The following ZNF875 variants were observed in gnomAD, a reference collection of about 807,000 sequenced individuals.
ZNF875 encodes the protein HKR1, GLI-Kruppel zinc finger family member.
ZNF875 carries 14 observed loss-of-function variants against 11.2 expected under a neutral mutation model. The ratio of observed to expected loss-of-function variants is 1.26; its 90% CI spans 0.83 to 1.96. ZNF875 has a LOEUF of 1.96. Among genes scored for constraint, ZNF875 ranks in the 30% most tolerant of loss-of-function variants. The probability of loss-of-function intolerance (pLI) is 0.00; values close to 1 mark genes in which losing one functional copy is unlikely to be tolerated. For missense variants in ZNF875, 752 were observed against 760.4 expected (o/e 0.99, Z 0.13); for synonymous variants, 301 against 281.1 (o/e 1.07, Z -0.71).
In ZNF875 at chr19:37,335,199, G is replaced by A; in HGVS notation, c.-26G>A. On this transcript the variant is annotated 5_prime_UTR_variant, in exon 2 of 5. Coordinates refer to ENST00000392153, the MANE Select transcript of ZNF875 (RefSeq NM_001353803.2). The stretch of plus-strand genomic sequence containing the variant: ...TCTTCTGAGACTTTGCCCTTCTCCA[G>A]GAAGAGCACTCAGGAGACCAGGAAA... The A allele has an allele frequency of 2.8e-6, 2 of 702,416 alleles. No individual in the cohort carries two copies. Among genetic ancestry groups the A allele is most frequent in the Non-Finnish European group, 5.2e-6 (2 of 384,608 alleles). 43.5% of individuals were successfully genotyped at this position (702,416 alleles called of 1,614,324 possible).
At chr19:37,335,128 G>C (rs1157106209) in intron 1 of ZNF875, 41 bp from the exon 2 acceptor site, 1 of 682,718 alleles carries the variant, frequency 1.5e-6, no homozygotes, top group Non-Finnish European at 2.7e-6. Context: ...TGGGGAGGGT[G>C]TTTCCACCTA....
upstream of ZNF875, among the ~76,000 whole-genome samples, chr19:37,316,200 C>A (rs2030178688): frequency 6.6e-6 from 1 of 152,186 alleles, no homozygotes. Context: ...AATTAAATTA[C>A]AGAAAAGCAA....
chr19:37,331,808 C>G (rs1303854439), upstream of ZNF875, among the ~76,000 whole-genome samples: 2 of 115,596 alleles, frequency 1.7e-5, 1 homozygote, highest in Admixed American at 1.8e-4. Context: ...CCCGACACCC[C>G]CAGCCCGACA....
At chr19:37,335,305 C>A in intron 2 of ZNF875, 48 bp downstream of exon 2, 1 of 673,826 alleles carries the variant, frequency 1.5e-6, no homozygotes, top group South Asian at 1.5e-5. Context: ...GAATGGGTCC[C>A]ATTACCTTTT....
intron 1 of ZNF875, among the ~76,000 whole-genome samples, chr19:37,321,763 C>T (rs1407234251): frequency 6.6e-6 from 1 of 152,150 alleles, no homozygotes; most frequent in African/African-American, 2.4e-5. Flanking sequence ...TATGAGGTAG[C>T]ACAGCAAATC....
intron 2 of ZNF875, among the ~76,000 whole-genome samples, chr19:37,341,293 A>C (rs370616611): frequency 6.6e-6 from 1 of 152,214 alleles, no homozygotes; most frequent in East Asian, 1.9e-4. Context: ...TGGTAGGTTC[A>C]TATTTTGGGC....
chr19:37,323,016 C>G (rs1243569793), intron 2 of ZNF875, among the ~76,000 whole-genome samples: 1 of 151,908 alleles, frequency 6.6e-6, no homozygotes. Flanking sequence ...GAAACCCCGC[C>G]CTGAGTTTGT....
intron 4 of ZNF875, among the ~76,000 whole-genome samples, chr19:37,353,562 C>T (rs2038331640): frequency 6.6e-6 from 1 of 152,148 alleles, no homozygotes; most frequent in Admixed American, 6.5e-5. Context: ...TACCATTTTC[C>T]TTCATCCTGA....
At position 37,347,307 on chromosome 19, in the gene ZNF875, G is replaced by T; in HGVS notation, c.151G>T (p.Val51Phe). ...GATGCTGGAGACTTATAACCATCTG[G>T]TCTCACTGGGTAAGAATGGCCTCCC... Reference protein sequence around the residue: ...EVMLETYNHLVSLEIPSSKPK... With the variant: ...EVMLETYNHLFSLEIPSSKPK... The change falls in exon 3 of 5, where the codon GTC becomes TTC. Residue 51 changes from valine to phenylalanine, a missense_variant. Physicochemically the swap from Val to Phe is conservative, Grantham distance 50 (BLOSUM62 -1). Coordinates refer to ENST00000392153, the MANE Select transcript of ZNF875 (RefSeq NM_001353803.2). 1.2e-6 allele frequency: 2 copies of T among 1,613,114 alleles called. No individual in the cohort carries two copies. Among genetic ancestry groups the T allele is most frequent in the Admixed American group, 1.7e-5 (1 of 59,938 alleles).
intron 1 of ZNF875, among the ~76,000 whole-genome samples, chr19:37,321,980 C>T (rs2031563824): frequency 6.6e-6 from 1 of 152,184 alleles, no homozygotes; most frequent in South Asian, 2.1e-4. Context: ...TGGCATTATT[C>T]TGAGGAGGGG....
intron 4 of ZNF875, among the ~76,000 whole-genome samples, chr19:37,355,294 A>T (rs528150124): frequency 1.3e-5 from 2 of 152,248 alleles, no homozygotes; most frequent in South Asian, 4.1e-4. Flanking sequence ...GGTTCAAGCG[A>T]TTCTCCTGCC....
intron 4 of ZNF875, among the ~76,000 whole-genome samples, chr19:37,360,804 C>T (rs1387425811): frequency 6.6e-6 from 1 of 152,050 alleles, no homozygotes; most frequent in African/African-American, 2.4e-5. Flanking sequence ...CCTTAATTTT[C>T]AGTTTACAAA....
At chr19:37,329,037 C>T (rs1358224103) in intron 4 of ZNF875, 1 of 152,036 alleles carries the variant, frequency 6.6e-6, no homozygotes, top group African/African-American at 2.4e-5. Context: ...GAGTGAGACC[C>T]AACAATCTGT....
chr19:37,355,382 G>A (rs779992200), intron 4 of ZNF875, among the ~76,000 whole-genome samples: 1 of 152,080 alleles, frequency 6.6e-6, no homozygotes, highest in Non-Finnish European at 1.5e-5. Flanking sequence ...TAGAGACAGG[G>A]TTTCACCATG....
chr19:37,336,485 G>C (rs1336575794), intron 2 of ZNF875, among the ~76,000 whole-genome samples: 2 of 150,412 alleles, frequency 1.3e-5, no homozygotes, highest in African/African-American at 4.9e-5. Context: ...ATTTTTAGTA[G>C]AGACGGGGTT....
At chr19:37,332,409 G>A (rs1036418570), upstream of ZNF875, among the ~76,000 whole-genome samples, 3 of 152,056 alleles carry the variant, frequency 2.0e-5, no homozygotes, top group Non-Finnish European at 1.5e-5. Context: ...TAGAGATGGG[G>A]TTTCGCAATG....
intron 1 of ZNF875, among the ~76,000 whole-genome samples, chr19:37,321,578 T>A (rs1374606162): frequency 6.6e-6 from 1 of 152,136 alleles, no homozygotes; most frequent in Admixed American, 6.5e-5. Flanking sequence ...CTGGGCCCAC[T>A]TTTCTTTCTC....
chr19:37,334,716 T>C lies in ZNF875; in HGVS notation c.-123T>C, dbSNP rs979464793. On this transcript the variant is annotated 5_prime_UTR_variant, in exon 1 of 5. Transcript: ENST00000392153. ...CGGGAAGGCCTCCCTCTTAAGGTCT[T>C]TCCCACACCTCTGCACCTTGTTACC... 6 of 455,972 alleles carry C rather than the reference T, an allele frequency of 1.3e-5. No homozygotes were observed. The highest frequency in any genetic ancestry group is 2.6e-5 in the Non-Finnish European group (6 of 226,832). 28.2% of individuals were successfully genotyped at this position (455,972 alleles called of 1,614,324 possible).
chr19:37,347,187 A>G lies in ZNF875; in HGVS notation c.34-3A>G. ...GTGAGCAGAGGTGTGTTTTGTGTTA[A>G]AGGCGTTCGTGGCATTCAGGGATGT... On this transcript the variant is annotated splice_polypyrimidine_tract_variant and splice_region_variant and intron_variant, in intron 2 of 4. Transcript: ENST00000392153. 1 of 1,613,934 alleles carries G rather than the reference A, an allele frequency of 6.2e-7. No individual in the cohort carries two copies. The highest frequency in any genetic ancestry group is 8.5e-7 in the Non-Finnish European group (1 of 1,179,918).
Sources: gnomAD v4.1 joint callset for allele counts (sites outside exome capture counted in the v4.1 genomes callset) on GRCh38, gnomAD v4.1.1 for gene constraint, MANE v1.5 for transcripts, NCBI Gene and HGNC (gene_info 2026-07-23, HGNC 2026-07-21) for gene names.